CDK19: variants seen among roughly 807,000 people sequenced by gnomAD.
CDK19 encodes the protein cyclin dependent kinase 19.
CDK19 carries 20 observed loss-of-function variants against 68.3 expected under a neutral mutation model. That is an observed-to-expected ratio of 0.29 (90% CI 0.21 to 0.43). The LOEUF (loss-of-function observed/expected upper bound fraction) is 0.43, where lower values mean the gene tolerates loss of function less well. Among genes scored for constraint, CDK19 ranks in the 20% least tolerant of loss-of-function variants. CDK19 has a pLI of 1.00. For missense variants in CDK19, 339 were observed against 623.5 expected, an observed-to-expected ratio of 0.54 and a Z score of 4.86; for synonymous variants, 221 against 222.8, an observed-to-expected ratio of 0.99 and a Z score of 0.07.
chr6:110,785,600 G>A (rs1781152477), intron 1 of CDK19, among the ~76,000 whole-genome samples: 1 of 152,136 alleles, frequency 6.6e-6, no homozygotes, highest in Non-Finnish European at 1.5e-5. Context: ...AAAGAGGGGA[G>A]TTGGTCTTGC....
At chr6:110,777,031 C>T (rs1780448202) in intron 1 of CDK19, among the ~76,000 whole-genome samples, 2 of 152,200 alleles carry the variant, frequency 1.3e-5, no homozygotes, top group Admixed American at 1.3e-4. Context: ...GAAACATGTT[C>T]TTCGTCACCA....
At chr6:110,647,676 C>T (rs1272009743) in intron 4 of CDK19, among the ~76,000 whole-genome samples, 5 of 152,148 alleles carry the variant, frequency 3.3e-5, no homozygotes, top group Non-Finnish European at 5.9e-5. Flanking sequence ...TGAGAAAACA[C>T]CAACCACAGA....
At chr6:110,770,528 CAT>C (rs1362591809) in intron 1 of CDK19, among the ~76,000 whole-genome samples, 1 of 152,178 alleles carries the variant, frequency 6.6e-6, no homozygotes, top group African/African-American at 2.4e-5. Context: ...CATCCCACAA[CAT>C]GTGGGAATTA....
intron 10 of CDK19, 47 bp downstream of exon 10, chr6:110,622,768 G>C: frequency 8.3e-7 from 1 of 1,200,824 alleles, no homozygotes; most frequent in Non-Finnish European, 1.2e-6. Flanking sequence ...CCACCATGCA[G>C]CCTCCTCAGC....
In CDK19 at chr6:110,738,977, A is replaced by C. The variant is rs185300802; in HGVS notation, c.204+7149T>G. Among the ~76,000 whole-genome samples, 34 of 152,290 alleles carry C rather than the reference A, an allele frequency of 2.2e-4. 1 individual carries two copies. In the East Asian group the frequency reaches 6.2e-3, roughly 28 times the overall value. ...TCCTGCCTCTCACCACAGAAACATC[A>C]ATGCTGGGATATTGATGGATATATA... On this transcript the variant is annotated intron_variant, in intron 2 of 12. Transcript: ENST00000368911.
chr6:110,787,316 G>T (rs1368461252), intron 1 of CDK19, among the ~76,000 whole-genome samples: 1 of 152,212 alleles, frequency 6.6e-6, no homozygotes, highest in Non-Finnish European at 1.5e-5. Context: ...AGAGTTTGCA[G>T]TGAGTGGAGA....
chr6:110,751,977 T>G (rs1034297214), intron 1 of CDK19, among the ~76,000 whole-genome samples: 1 of 152,142 alleles, frequency 6.6e-6, no homozygotes, highest in Non-Finnish European at 1.5e-5. Flanking sequence ...TATGTGATGA[T>G]TTGGCTTAGC....
intron 2 of CDK19, among the ~76,000 whole-genome samples, chr6:110,709,618 G>T (rs1056623767): frequency 3.1e-4 from 47 of 152,128 alleles, no homozygotes; most frequent in Middle Eastern, 6.9e-3. Flanking sequence ...CTTTCTACAG[G>T]ATCTTTAGTC....
At chr6:110,808,152 C>T (rs942216801) in intron 1 of CDK19, among the ~76,000 whole-genome samples, 2 of 152,086 alleles carry the variant, frequency 1.3e-5, no homozygotes, top group African/African-American at 4.8e-5. Flanking sequence ...GTTGCTAAGC[C>T]ACTCATCCAA....
intron 2 of CDK19, among the ~76,000 whole-genome samples, chr6:110,736,981 T>C (rs984459291): frequency 6.6e-6 from 1 of 152,232 alleles, no homozygotes; most frequent in African/African-American, 2.4e-5. Flanking sequence ...TTTATATTTT[T>C]AGGAGAACTA....
At chr6:110,780,093 C>G (rs1780689151) in intron 1 of CDK19, among the ~76,000 whole-genome samples, 1 of 152,016 alleles carries the variant, frequency 6.6e-6, no homozygotes, top group South Asian at 2.1e-4. Context: ...TGGCACATGT[C>G]TGTAATCCCA....
At chr6:110,744,227 G>C (rs1275890571) in intron 2 of CDK19, among the ~76,000 whole-genome samples, 1 of 150,586 alleles carries the variant, frequency 6.6e-6, no homozygotes, top group East Asian at 1.9e-4. Context: ...GGCTGGTCTC[G>C]AACTCCTGAC....
intron 1 of CDK19, among the ~76,000 whole-genome samples, chr6:110,804,637 C>A (rs1782552592): frequency 6.6e-6 from 1 of 150,622 alleles, no homozygotes; most frequent in South Asian, 2.1e-4. Context: ...TGAGCCACCA[C>A]ACCCCGCCAA....
chr6:110,643,251 T>C (rs145983568), intron 4 of CDK19: 50 of 1,193,436 alleles, frequency 4.2e-5, no homozygotes, highest in South Asian at 6.3e-5. Context: ...GGTATTTCCA[T>C]AGTGGATTAA....
chr6:110,804,401 GGC>G (rs1319922072), intron 1 of CDK19, among the ~76,000 whole-genome samples: 1 of 151,816 alleles, frequency 6.6e-6, no homozygotes, highest in South Asian at 2.1e-4. Context: ...GGAGTGCAAT[GGC>G]GCGATCTCGG....
At chr6:110,618,287 C>T (rs1423829233) in intron 12 of CDK19, among the ~76,000 whole-genome samples, 1 of 151,972 alleles carries the variant, frequency 6.6e-6, no homozygotes, top group Admixed American at 6.5e-5. Context: ...CTTGCACCAC[C>T]ACAACCAGCT....
chr6:110,720,472 T>G (rs947192535), intron 2 of CDK19, among the ~76,000 whole-genome samples: 3 of 152,228 alleles, frequency 2.0e-5, no homozygotes, highest in Non-Finnish European at 4.4e-5. Flanking sequence ...CAATGGTCTT[T>G]CCAGTTTCCA....
At position 110,613,806 on chromosome 6, in the gene CDK19, G is replaced by A. The variant is rs1202010316; in HGVS notation, c.*729C>T. 1 of 152,580 alleles carries A rather than the reference G, an allele frequency of 6.6e-6. No homozygotes were observed. Among genetic ancestry groups the A allele is most frequent in the African/African-American group, 2.4e-5 (1 of 41,436 alleles). The allele number at this position is 152,580 out of a possible 1,614,324, so 9.5% of individuals were successfully genotyped here. On this transcript the variant is annotated 3_prime_UTR_variant, in exon 13 of 13. Transcript: ENST00000368911. The stretch of plus-strand genomic sequence containing the variant: ...ATTCTTAATTACTGAATGCTATTCA[G>A]AATAAGATGATGCTGGGAACTCAGT...
intron 2 of CDK19, among the ~76,000 whole-genome samples, chr6:110,671,734 C>A (rs1181522533): frequency 6.6e-6 from 1 of 152,044 alleles, no homozygotes; most frequent in Admixed American, 6.6e-5. Flanking sequence ...ATAAATAGAT[C>A]AATGAGGCAG....
Sources: gnomAD v4.1 joint callset for allele counts (sites outside exome capture counted in the v4.1 genomes callset) on GRCh38, gnomAD v4.1.1 for gene constraint, MANE v1.5 for transcripts, NCBI Gene and HGNC (gene_info 2026-07-23, HGNC 2026-07-21) for gene names.